The following KCND2 variants were observed in gnomAD, a reference collection of about 807,000 sequenced individuals.
The protein encoded by KCND2 is potassium voltage-gated channel subfamily D member 2, also known as A-type voltage-gated potassium channel KCND2.
KCND2 carries 16 observed loss-of-function variants against 54.4 expected under a neutral mutation model. The observed-to-expected ratio is 0.29, with a 90% confidence interval of 0.20 to 0.45. The LOEUF is 0.45. Among genes scored for constraint, KCND2 ranks in the 20% least tolerant of loss-of-function variants. The probability of loss-of-function intolerance (pLI) is 1.00; values close to 1 mark genes in which losing one functional copy is unlikely to be tolerated. For synonymous variants in KCND2, 317 were observed against 310.7 expected (o/e 1.02, Z -0.21); for missense variants, 486 against 824.2 (o/e 0.59, Z 5.02).
At chr7:120,429,577 C>T (rs964516440) in intron 1 of KCND2, among the ~76,000 whole-genome samples, 10 of 151,912 alleles carry the variant, frequency 6.6e-5, no homozygotes, top group African/African-American at 2.2e-4. Flanking sequence ...GTTATTGTCT[C>T]GGTTGTGAGT....
chr7:120,295,341 T>C (rs1166728366), intron 1 of KCND2, among the ~76,000 whole-genome samples: 1 of 140,344 alleles, frequency 7.1e-6, no homozygotes, highest in Non-Finnish European at 1.5e-5. Context: ...AAATATGTCA[T>C]AGAGTAACAC....
intron 1 of KCND2, among the ~76,000 whole-genome samples, chr7:120,675,855 CTTTTTTTTT>C (rs58226731): frequency 8.2e-6 from 1 of 121,550 alleles, no homozygotes; most frequent in Admixed American, 8.4e-5. Flanking sequence ...TCTTTCTATT[CTTTTTTTTT>C]TTTTTTTTTT....
intron 1 of KCND2, among the ~76,000 whole-genome samples, chr7:120,441,855 C>T (rs892157188): frequency 2.0e-5 from 3 of 152,052 alleles, no homozygotes; most frequent in Non-Finnish European, 4.4e-5. Context: ...TTTCTAGCAC[C>T]TTGGCTATTG....
chr7:120,584,672 A>G (rs1792569357), intron 1 of KCND2, among the ~76,000 whole-genome samples: 1 of 152,236 alleles, frequency 6.6e-6, no homozygotes, highest in Non-Finnish European at 1.5e-5. Flanking sequence ...CTTAGTGGCA[A>G]TCCTAAATAC....
At chr7:120,576,876 G>A (rs1792441191) in intron 1 of KCND2, among the ~76,000 whole-genome samples, 1 of 152,162 alleles carries the variant, frequency 6.6e-6, no homozygotes, top group African/African-American at 2.4e-5. Context: ...GCTGGGCGCG[G>A]TGGCTCACAC....
intron 1 of KCND2, among the ~76,000 whole-genome samples, chr7:120,730,224 T>C (rs1792787811): frequency 6.6e-6 from 1 of 152,062 alleles, no homozygotes; most frequent in African/African-American, 2.4e-5. Context: ...AAAAGCCGTG[T>C]GTGTGTGTGC....
intron 1 of KCND2, among the ~76,000 whole-genome samples, chr7:120,411,397 A>G (rs1459050755): frequency 6.6e-6 from 1 of 151,654 alleles, no homozygotes; most frequent in Non-Finnish European, 1.5e-5. Flanking sequence ...TCAGATCCAG[A>G]TTTTGGTGGC....
At chr7:120,315,236 A>G (rs1028774144) in intron 1 of KCND2, among the ~76,000 whole-genome samples, 3 of 152,160 alleles carry the variant, frequency 2.0e-5, no homozygotes, top group African/African-American at 7.2e-5. Context: ...ATTCATTGAC[A>G]GGCTTAACTC....
chr7:120,281,179 G>C (rs1441651410), intron 1 of KCND2, among the ~76,000 whole-genome samples: 1 of 151,996 alleles, frequency 6.6e-6, no homozygotes, highest in Admixed American at 6.6e-5. Flanking sequence ...CTCTTTCATT[G>C]AAAGAACACA....
chr7:120,595,458 A>AT (rs1562883115), intron 1 of KCND2, among the ~76,000 whole-genome samples: 89 of 103,308 alleles, frequency 8.6e-4, no homozygotes, highest in African/African-American at 2.8e-3. Flanking sequence ...CACCAAAAAA[A>AT]AAATATATAT....
rs567917238 is a variant in KCND2 at position 120,478,579 on chromosome 7, G to A, written c.1115+202832G>A. Among the ~76,000 whole-genome samples, 16 of 152,172 alleles carry A rather than the reference G, an allele frequency of 1.1e-4. 1 individual carries two copies. The South Asian group carries it at 2.9e-3, about 28-fold the overall frequency. On this transcript the variant is annotated intron_variant, in intron 1 of 5. Transcript: ENST00000331113. The stretch of plus-strand genomic sequence containing the variant: ...AAAAAAGATTGATTTTTCCAGTGTA[G>A]TATGAAAAATGAAGAACTTTTTTAA...
At chr7:120,743,860 A>T (rs1003831384) in intron 4 of KCND2, among the ~76,000 whole-genome samples, 1 of 152,266 alleles carries the variant, frequency 6.6e-6, no homozygotes, top group Non-Finnish European at 1.5e-5. Context: ...AATCATTTAA[A>T]TGTTTTAAAC....
intron 1 of KCND2, among the ~76,000 whole-genome samples, chr7:120,442,068 A>T (rs1443189500): frequency 1.3e-5 from 2 of 152,154 alleles, no homozygotes; most frequent in African/African-American, 4.8e-5. Flanking sequence ...AAACTATATT[A>T]TTACAACTCT....
intron 2 of KCND2, among the ~76,000 whole-genome samples, chr7:120,737,071 CACACAA>C (rs1466520525): frequency 7.2e-6 from 1 of 138,300 alleles, no homozygotes; most frequent in African/African-American, 2.8e-5. Context: ...CACACACACA[CACACAA>C]ACAAAAAAAA....
At chr7:120,503,543 T>G (rs901175166) in intron 1 of KCND2, among the ~76,000 whole-genome samples, 1 of 151,984 alleles carries the variant, frequency 6.6e-6, no homozygotes, top group Non-Finnish European at 1.5e-5. Context: ...ACATCCTCCC[T>G]CATATTATTT....
At chr7:120,425,942 A>G (rs879859318) in intron 1 of KCND2, among the ~76,000 whole-genome samples, 1 of 135,390 alleles carries the variant, frequency 7.4e-6, no homozygotes, top group Non-Finnish European at 1.5e-5. Context: ...TTCTATCTTG[A>G]CTCTATTTTT....
chr7:120,295,540 G>A (rs893401250), intron 1 of KCND2, among the ~76,000 whole-genome samples: 1 of 151,954 alleles, frequency 6.6e-6, no homozygotes, highest in African/African-American at 2.4e-5. Flanking sequence ...GCTAATGGTA[G>A]ATTCTGAATG....
At chr7:120,524,160 G>T (rs894326134) in intron 1 of KCND2, among the ~76,000 whole-genome samples, 1 of 151,876 alleles carries the variant, frequency 6.6e-6, no homozygotes, top group African/African-American at 2.4e-5. Context: ...GCCGGAACCC[G>T]GGAGGTGGAG....
intron 1 of KCND2, among the ~76,000 whole-genome samples, chr7:120,721,561 G>A (rs1481738460): frequency 2.0e-5 from 3 of 152,132 alleles, no homozygotes; most frequent in Non-Finnish European, 4.4e-5. Flanking sequence ...AGGTTAAATT[G>A]AACACTAGAA....
Sources: allele counts gnomAD v4.1 joint callset (sites outside exome capture counted in the v4.1 genomes callset), GRCh38; gene constraint gnomAD v4.1.1; transcripts MANE v1.5; gene names NCBI Gene and HGNC (gene_info 2026-07-23, HGNC 2026-07-21).